The following EFCAB3 variants were observed in gnomAD, a reference collection of about 807,000 sequenced individuals.
EFCAB3 encodes EF-hand calcium binding domain 3.
Under a neutral mutation model 42.2 loss-of-function variants are expected in EFCAB3, and 36 were observed. That is an observed-to-expected ratio of 0.85 (90% CI 0.65 to 1.13). The LOEUF (loss-of-function observed/expected upper bound fraction) is 1.13. Ranked by LOEUF, EFCAB3 falls within the 50% of genes most tolerant of loss-of-function variation. EFCAB3 has a pLI of 0.00. For synonymous variants in EFCAB3, 170 were observed against 172.8 expected, an observed-to-expected ratio of 0.98 and a Z score of 0.13; for missense variants, 418 against 505.1, an observed-to-expected ratio of 0.83 and a Z score of 1.65.
Position 62,383,049 on chromosome 17 carries a change from A to G in EFCAB3, c.70A>G (p.Lys24Glu). The G allele has an allele frequency of 1.2e-6, 2 of 1,611,368 alleles. No individual in the cohort carries two copies. Among genetic ancestry groups the G allele is most frequent in the Non-Finnish European group, 1.7e-6 (2 of 1,178,290 alleles). Residue 24 changes from lysine (K) to glutamate (E), a missense_variant, in exon 2 of 10, where the codon AAA becomes GAA. Lys to Glu is a moderately conservative substitution (Grantham distance 56). Transcript: ENST00000305286. ...AACAAAAGTACCCATCTCCCACAAT[A>G]AAAGGTAGGTAATGAATGATTAAGG... ...PLTKVPISHN[K>E]RDRDLPGSLQ... is the part of the protein sequence containing the mutation.
intron 4 of EFCAB3, among the ~76,000 whole-genome samples, chr17:62,392,404 A>C (rs1448915412): frequency 6.6e-6 from 1 of 151,888 alleles, no homozygotes; most frequent in East Asian, 1.9e-4. Flanking sequence ...TATTTGAAAA[A>C]CACTGTGTGG....
At chr17:62,403,930 G>A (rs1356486842) in intron 6 of EFCAB3, among the ~76,000 whole-genome samples, 5 of 152,176 alleles carry the variant, frequency 3.3e-5, no homozygotes, top group African/African-American at 1.2e-4. Context: ...GATTATAGGC[G>A]AGAGCAGCTG....
chr17:62,393,677 G>C (rs2070324103), intron 5 of EFCAB3, 33 bp downstream of exon 5: 7 of 1,587,152 alleles, frequency 4.4e-6, no homozygotes, highest in Non-Finnish European at 6.1e-6. Flanking sequence ...GAAGGCAGTT[G>C]GGCAGCTACA....
At chr17:62,399,467 C>G (rs2144093963) in intron 6 of EFCAB3, among the ~76,000 whole-genome samples, 1 of 151,530 alleles carries the variant, frequency 6.6e-6, no homozygotes, top group Middle Eastern at 3.4e-3. Context: ...CGCCTGGCCC[C>G]AAGCCAAAGC....
intron 7 of EFCAB3, 144 bp from the exon 8 acceptor site, chr17:62,406,884 G>A (rs2052385): frequency 5.7e-5 from 23 of 406,100 alleles, no homozygotes; most frequent in East Asian, 1.6e-4. Flanking sequence ...GTGGATGGGT[G>A]GGGGGTGGGA....
At chr17:62,392,096 G>A (rs1195431705) in intron 4 of EFCAB3, 131 bp downstream of exon 4, 6 of 559,890 alleles carry the variant, frequency 1.1e-5, no homozygotes, top group Non-Finnish European at 1.6e-5. Flanking sequence ...ATATATTTGT[G>A]TGTATATATA....
chr17:62,383,105 A>G, intron 2 of EFCAB3, 52 bp downstream of exon 2: 1 of 1,498,154 alleles, frequency 6.7e-7, no homozygotes, highest in Non-Finnish European at 9.1e-7. Context: ...AAGAATTATT[A>G]GTGTTACAGC....
Position 62,373,159 on chromosome 17 carries a change from G to A in EFCAB3, c.35-655G>A, listed in dbSNP as rs188227474. Among the ~76,000 whole-genome samples the A allele has an allele frequency of 4.6e-5, 7 of 151,816 alleles. No individual in the cohort carries two copies. In the East Asian group the frequency reaches 1.4e-3, roughly 29 times the overall value. ...AGCTGGCATGATGGCACATGCCTGTGATCCCAGCTACTTGGGAGTCTGAGG... is the reference window on the plus strand; with the variant it reads ...AGCTGGCATGATGGCACATGCCTGTAATCCCAGCTACTTGGGAGTCTGAGG... On this transcript the variant is annotated intron_variant, in intron 1 of 11. Transcript: ENST00000450662.
chr17:62,373,838 C>G lies in EFCAB3; in HGVS notation c.59C>G (p.Ser20Ter). The G allele has an allele frequency of 6.6e-7, 1 of 1,511,574 alleles. No homozygotes were observed. The allele number at this position is 1,511,574 out of a possible 1,614,324, so 93.6% of individuals were successfully genotyped here. ...GGAAATGGAAAGATTAATGTTAATT[C>G]AATAATGGAGGGCCTGAAGAAGTTT... The change falls in exon 2 of 12, where the codon TCA becomes TGA. Residue 20 changes from serine (S) to a stop codon, truncating the protein, a stop_gained. Transcript: ENST00000450662. LOFTEE classifies it high-confidence loss of function.
chr17:62,398,513 A>AC (rs1491215741), intron 6 of EFCAB3, among the ~76,000 whole-genome samples: 1 of 126,322 alleles, frequency 7.9e-6, no homozygotes, highest in East Asian at 2.1e-4. Context: ...AAAAAAAAAA[A>AC]CAAAAAATTA....
At position 62,412,361 on chromosome 17, in the gene EFCAB3, C is replaced by CAAAA. The variant is rs1237628464; in HGVS notation, c.868-1353_868-1350dup. On this transcript the variant is annotated intron_variant, in intron 8 of 9. Coordinates refer to ENST00000305286, the MANE Select transcript of EFCAB3 (RefSeq NM_173503.4). ...ACTGCACTCCAGCGAGACTCTGTCT[C>CAAAA]AAAAAAAAAAAAAAAAAAAAAGAAT... is the stretch of plus-strand genomic sequence containing the variant. 1.5e-3 allele frequency among the ~76,000 whole-genome samples: 100 copies of CAAAA among 65,868 alleles called. 2 individuals carry two copies. The highest frequency in any genetic ancestry group is 4.6e-3 in the African/African-American group (93 of 20,336). 43.2% of individuals were successfully genotyped at this position (65,868 alleles called of 152,430 possible).
chr17:62,383,444 A>G (rs556850435), intron 2 of EFCAB3, among the ~76,000 whole-genome samples: 1 of 152,290 alleles, frequency 6.6e-6, no homozygotes, highest in South Asian at 2.1e-4. Flanking sequence ...ACTGCACTCC[A>G]GCCTGGTGAC....
At chr17:62,400,530 T>C (rs1238956870) in intron 6 of EFCAB3, among the ~76,000 whole-genome samples, 2 of 152,182 alleles carry the variant, frequency 1.3e-5, no homozygotes, top group African/African-American at 2.4e-5. Context: ...TTTCCAGCTT[T>C]ATCCATGTCC....
chr17:62,404,520 G>C (rs148971276), intron 6 of EFCAB3, among the ~76,000 whole-genome samples: 66 of 152,110 alleles, frequency 4.3e-4, no homozygotes, highest in African/African-American at 1.3e-3. Flanking sequence ...TAACAGGCTG[G>C]GCGCGGTGGC....
intron 6 of EFCAB3, 104 bp from the exon 7 acceptor site, chr17:62,406,376 T>G: frequency 4.4e-6 from 4 of 917,374 alleles, no homozygotes; most frequent in Non-Finnish European, 6.4e-6. Flanking sequence ...GCAAATTAGA[T>G]TTAAAATAAG....
chr17:62,413,978 G>A lies in EFCAB3; in HGVS notation c.990+124G>A, dbSNP rs1030241558. 52 of 1,107,322 alleles carry A rather than the reference G, an allele frequency of 4.7e-5. No individual in the cohort carries two copies. In the African/African-American group the frequency reaches 7.7e-4, roughly 16 times the overall value. 68.6% of individuals were successfully genotyped at this position (1,107,322 alleles called of 1,614,324 possible). On this transcript the variant is annotated intron_variant, in intron 9 of 9. Transcript: ENST00000305286. ...TATGTCTTTAAAATGAGACAAGGTT[G>A]TTTCTCATGTTTACCCATTGTAATA... is the stretch of plus-strand genomic sequence containing the variant.
Position 62,406,649 on chromosome 17 carries a change from T to C in EFCAB3, c.658T>C (p.Phe220Leu). Reference sequence around the variant, plus strand: ...TGCAATAATGAAAGAAAAGGATTTATTTAAATTTCTTGAAGAGCTCAAGAG... The same window carrying C: ...TGCAATAATGAAAGAAAAGGATTTACTTAAATTTCTTGAAGAGCTCAAGAG... ...RIAIMKEKDL[F>L]KFLEELKRCN... Residue 220 changes from phenylalanine to leucine, a missense_variant, in exon 7 of 10, where the codon TTT (phenylalanine) becomes CTT (leucine). Transcript: ENST00000305286. 1 of 1,613,974 alleles carries C rather than the reference T, an allele frequency of 6.2e-7. No individual in the cohort carries two copies. Among genetic ancestry groups the C allele is most frequent in the Non-Finnish European group, 8.5e-7 (1 of 1,179,960 alleles).
At position 62,415,989 on chromosome 17, in the gene EFCAB3, G is replaced by T; in HGVS notation, c.991-14G>T. 6.3e-7 allele frequency: 1 copy of T among 1,581,160 alleles called. No homozygotes were observed. Among genetic ancestry groups the T allele is most frequent in the Admixed American group, 1.8e-5 (1 of 54,112 alleles). On this transcript the variant is annotated splice_polypyrimidine_tract_variant and intron_variant, in intron 9 of 9. Transcript: ENST00000305286. Reference sequence around the variant, plus strand: ...TTAAGGTAACTACAATAAACTTCTGGTCTCTCACTGCAGGTGAAGAGAGCT... The same window carrying T: ...TTAAGGTAACTACAATAAACTTCTGTTCTCTCACTGCAGGTGAAGAGAGCT...
At position 62,394,969 on chromosome 17, in the gene EFCAB3, C is replaced by T. The variant is rs144286537; in HGVS notation, c.368-99C>T. 1.2e-4 allele frequency: 173 copies of T among 1,471,832 alleles called. No individual in the cohort carries two copies. In the African/African-American group the frequency reaches 2.2e-3, roughly 18 times the overall value. The allele number at this position is 1,471,832 out of a possible 1,614,324, so 91.2% of individuals were successfully genotyped here. A position where few individuals can be genotyped will look rare whatever the true frequency, so the allele number is the denominator to read the frequency against. On this transcript the variant is annotated intron_variant, in intron 5 of 9. Coordinates refer to ENST00000305286, the MANE Select transcript of EFCAB3 (RefSeq NM_173503.4). ...TTAATGTTTTACTGTACCTCTAGTT[C>T]CTGACTTGATATTATTATTGTAAAT...
Sources: gnomAD v4.1 joint callset for allele counts (sites outside exome capture counted in the v4.1 genomes callset) on GRCh38, gnomAD v4.1.1 for gene constraint, MANE v1.5 for transcripts, NCBI Gene and HGNC (gene_info 2026-07-23, HGNC 2026-07-21) for gene names.